Variants in RAD51B observed in about 807,000 individuals in gnomAD.
RAD51B encodes DNA repair protein RAD51 homolog 2.
Under a neutral mutation model 42.2 loss-of-function variants are expected in RAD51B, and 38 were observed. The observed-to-expected ratio is 0.90, with a 90% CI of 0.70 to 1.18. RAD51B has a LOEUF of 1.18. Among genes scored for constraint, RAD51B ranks in the 50% most tolerant of loss-of-function variants. The pLI is 0.00. For synonymous variants in RAD51B, 154 were observed against 145.2 expected (o/e 1.06, Z -0.43); for missense variants, 373 against 400.7 (o/e 0.93, Z 0.59).
chr14:67,867,097 C>T (rs1031682119), intron 5 of RAD51B, among the ~76,000 whole-genome samples: 4 of 152,134 alleles, frequency 2.6e-5, no homozygotes, highest in African/African-American at 9.7e-5. Flanking sequence ...AATATGAATG[C>T]TCTCCGATAT....
chr14:68,446,915 A>G (rs2085434259), intron 9 of RAD51B, among the ~76,000 whole-genome samples: 1 of 152,142 alleles, frequency 6.6e-6, no homozygotes, highest in South Asian at 2.1e-4. Context: ...CAGAAAGAAT[A>G]CTAAATAATA....
At chr14:68,682,930 T>TTTTTGG in intron 11 of RAD51B, 2 of 796,818 alleles carry the variant, frequency 2.5e-6, no homozygotes, top group Non-Finnish European at 2.9e-6. Flanking sequence ...TTTTTTTTTT[T>TTTTTGG]GTATAGGGCA....
At chr14:68,137,236 A>T (rs1476066029) in intron 7 of RAD51B, among the ~76,000 whole-genome samples, 1 of 152,212 alleles carries the variant, frequency 6.6e-6, no homozygotes, top group African/African-American at 2.4e-5. Context: ...AGACCACGCC[A>T]CTGCACTCCT....
At chr14:68,524,220 C>G (rs1023894767) in intron 10 of RAD51B, among the ~76,000 whole-genome samples, 1 of 152,148 alleles carries the variant, frequency 6.6e-6, no homozygotes, top group African/African-American at 2.4e-5. Context: ...GACCGACCGA[C>G]AGAGAGAGCT....
chr14:68,475,004 T>C (rs1196866725), intron 10 of RAD51B, among the ~76,000 whole-genome samples: 2 of 152,158 alleles, frequency 1.3e-5, no homozygotes, highest in African/African-American at 2.4e-5. Context: ...ACACCTAGGA[T>C]GTTGCCGTTA....
At chr14:68,180,256 A>T (rs1318932478) in intron 7 of RAD51B, among the ~76,000 whole-genome samples, 2 of 152,148 alleles carry the variant, frequency 1.3e-5, no homozygotes, top group African/African-American at 2.4e-5. Flanking sequence ...GGGGAGCGCT[A>T]ACATTCATCT....
intron 7 of RAD51B, among the ~76,000 whole-genome samples, chr14:68,027,376 A>T (rs2075971735): frequency 6.6e-6 from 1 of 152,050 alleles, no homozygotes; most frequent in Non-Finnish European, 1.5e-5. Flanking sequence ...TCTTGAATTT[A>T]CATGTCAACG....
chr14:68,572,840 C>T lies in RAD51B; in HGVS notation c.1037-21645C>T, dbSNP rs564032181. 2.4e-4 allele frequency among the ~76,000 whole-genome samples: 36 copies of T among 152,322 alleles called. No individual in the cohort carries two copies. In the South Asian group the frequency reaches 3.3e-3, roughly 14 times the overall value. ...GCATAATGGCTAATGCTTCTGAGCT[C>T]TTACTACACCTCAGGTACTGTACAT... On this transcript the variant is annotated intron_variant, in intron 10 of 10. Coordinates refer to the RAD51B transcript ENST00000487270.
At chr14:68,474,451 C>T (rs1365637687) in intron 10 of RAD51B, among the ~76,000 whole-genome samples, 1 of 151,808 alleles carries the variant, frequency 6.6e-6, no homozygotes, top group Non-Finnish European at 1.5e-5. Context: ...TAAAAAAATT[C>T]TTCATTTCCC....
At chr14:68,061,053 C>CT (rs755916680) in intron 7 of RAD51B, among the ~76,000 whole-genome samples, 4,326 of 101,212 alleles carry the variant, frequency 0.043, 253 homozygotes, top group African/African-American at 0.1. Flanking sequence ...TATTTGAGGT[C>CT]TTTTTTTTTT....
intron 7 of RAD51B, among the ~76,000 whole-genome samples, chr14:67,890,080 C>T (rs551158002): frequency 3.3e-5 from 5 of 151,970 alleles, no homozygotes; most frequent in South Asian, 2.1e-4. Flanking sequence ...TAAAAGTAAC[C>T]GAAAAAAATT....
chr14:68,619,623 A>T (rs1050621237), intron 10 of RAD51B, among the ~76,000 whole-genome samples: 4 of 152,140 alleles, frequency 2.6e-5, no homozygotes, highest in Non-Finnish European at 4.4e-5. Context: ...ATGGAAACCA[A>T]AGGTATGGTG....
chr14:68,324,210 A>G (rs537610222), intron 8 of RAD51B, among the ~76,000 whole-genome samples: 4 of 152,312 alleles, frequency 2.6e-5, no homozygotes, highest in East Asian at 1.9e-4. Context: ...TTTACATTCT[A>G]AAGTCCACTC....
At chr14:68,658,246 C>T (rs1014652349) in intron 11 of RAD51B, among the ~76,000 whole-genome samples, 2 of 152,230 alleles carry the variant, frequency 1.3e-5, no homozygotes, top group African/African-American at 4.8e-5. Flanking sequence ...GCCTCTGAGC[C>T]AGCCACCCTG....
chr14:68,003,686 A>G (rs1174593258), intron 7 of RAD51B, among the ~76,000 whole-genome samples: 3 of 152,182 alleles, frequency 2.0e-5, no homozygotes, highest in Non-Finnish European at 4.4e-5. Context: ...ATTTTGAGGT[A>G]TGTTTCTTCA....
intron 10 of RAD51B, among the ~76,000 whole-genome samples, chr14:68,549,047 G>A (rs1242089249): frequency 6.6e-6 from 1 of 152,166 alleles, no homozygotes; most frequent in Non-Finnish European, 1.5e-5. Context: ...TGACTGTGAG[G>A]CTGGCATTTC....
chr14:68,350,539 C>G (rs776047198), intron 8 of RAD51B, among the ~76,000 whole-genome samples: 2 of 152,164 alleles, frequency 1.3e-5, no homozygotes, highest in Non-Finnish European at 2.9e-5. Context: ...GCCTCCCTTC[C>G]CCGAGTCTTA....
At chr14:68,282,011 T>A (rs939101525) in intron 7 of RAD51B, among the ~76,000 whole-genome samples, 1 of 151,938 alleles carries the variant, frequency 6.6e-6, no homozygotes, top group African/African-American at 2.4e-5. Flanking sequence ...GATGGAGTTT[T>A]GCTCTTGTTG....
chr14:67,870,925 G>T (rs1325512999), intron 5 of RAD51B, among the ~76,000 whole-genome samples: 3 of 134,738 alleles, frequency 2.2e-5, no homozygotes, highest in Non-Finnish European at 3.2e-5. Context: ...TCTCTGGGAC[G>T]CATTTAAAGC....
Sources: gnomAD v4.1 joint callset for allele counts (sites outside exome capture counted in the v4.1 genomes callset) on GRCh38, gnomAD v4.1.1 for gene constraint, MANE v1.5 for transcripts, NCBI Gene and HGNC (gene_info 2026-07-23, HGNC 2026-07-21) for gene names.